The following GALNT13 variants were observed in gnomAD, a reference collection of about 807,000 sequenced individuals.
The protein encoded by GALNT13 is polypeptide N-acetylgalactosaminyltransferase 13, also known as UDP-GalNAc:polypeptide N-acetylgalactosaminyltransferase 13.
GALNT13 carries 28 observed loss-of-function variants against 64.2 expected under a neutral mutation model. That is an observed-to-expected ratio of 0.44 (90% CI 0.32 to 0.60). The LOEUF (loss-of-function observed/expected upper bound fraction) is 0.60, where lower values mean the gene tolerates loss of function less well. GALNT13 is among the 20% of genes least tolerant of loss of function. The pLI is 0.05. For missense variants in GALNT13, 577 were observed against 669.8 expected (o/e 0.86, Z 1.53); for synonymous variants, 214 against 224.6 (o/e 0.95, Z 0.42).
the GALNT13 span, among the ~76,000 whole-genome samples, chr2:153,471,078 T>G: frequency 6.6e-6 from 1 of 152,148 alleles, no homozygotes; most frequent in Non-Finnish European, 1.5e-5. Context: ...TTAAATTGTT[T>G]GAGTATTTCA....
At chr2:154,044,044 C>T (rs7560731) in intron 3 of GALNT13, among the ~76,000 whole-genome samples, 28,264 of 151,510 alleles carry the variant, frequency 0.19, 3,363 homozygotes, top group Non-Finnish European at 0.26. Flanking sequence ...TGCACTCCAG[C>T]CTGGGTGACA....
chr2:153,932,554 C>G (rs1436026658), intron 2 of GALNT13, among the ~76,000 whole-genome samples: 3 of 150,968 alleles, frequency 2.0e-5, no homozygotes, highest in African/African-American at 7.3e-5. Context: ...CATTCAGGAG[C>G]AGGTTAATTT....
At chr2:154,067,472 A>G (rs1476294416) in intron 3 of GALNT13, among the ~76,000 whole-genome samples, 2 of 152,118 alleles carry the variant, frequency 1.3e-5, no homozygotes, top group Non-Finnish European at 2.9e-5. Flanking sequence ...AAACTAAAAA[A>G]GAGCAGGAGT....
the GALNT13 span, among the ~76,000 whole-genome samples, chr2:153,453,767 T>A: frequency 6.6e-6 from 1 of 152,116 alleles, no homozygotes; most frequent in South Asian, 2.1e-4. Context: ...CATTACTAGG[T>A]GTATAGCCAA....
chr2:153,475,718 G>GT, the GALNT13 span, among the ~76,000 whole-genome samples: 6 of 152,140 alleles, frequency 3.9e-5, no homozygotes, highest in Admixed American at 6.5e-5. Context: ...TAGCTGATTT[G>GT]TTTTTTTATC....
intron 3 of GALNT13, among the ~76,000 whole-genome samples, chr2:153,971,448 A>G (rs979087177): frequency 6.6e-6 from 1 of 152,096 alleles, no homozygotes; most frequent in African/African-American, 2.4e-5. Flanking sequence ...TTGACACATC[A>G]GATATGTGAA....
At chr2:154,370,576 G>C (rs923072193) in intron 9 of GALNT13, among the ~76,000 whole-genome samples, 3 of 152,102 alleles carry the variant, frequency 2.0e-5, no homozygotes, top group Non-Finnish European at 4.4e-5. Context: ...TTTCTTATGA[G>C]CTGCTGTGTG....
At chr2:153,726,613 C>G in the GALNT13 span, among the ~76,000 whole-genome samples, 1 of 152,056 alleles carries the variant, frequency 6.6e-6, no homozygotes, top group Non-Finnish European at 1.5e-5. Flanking sequence ...GAATAAACCA[C>G]GTCATTTGGC....
At chr2:153,831,913 T>C in the GALNT13 span, among the ~76,000 whole-genome samples, 1 of 152,226 alleles carries the variant, frequency 6.6e-6, no homozygotes, top group Non-Finnish European at 1.5e-5. Context: ...TAGTTAATTA[T>C]GAGGTACTTT....
chr2:153,341,994 T>C, the GALNT13 span, among the ~76,000 whole-genome samples: 1 of 152,152 alleles, frequency 6.6e-6, no homozygotes. Flanking sequence ...GGTAATGAGA[T>C]CAAATCATTC....
chr2:153,141,939 AC>A, the GALNT13 span, among the ~76,000 whole-genome samples: 1 of 152,046 alleles, frequency 6.6e-6, no homozygotes, highest in African/African-American at 2.4e-5. Flanking sequence ...AAATTAATGA[AC>A]CAAAAATATC....
At chr2:153,527,557 T>C in the GALNT13 span, among the ~76,000 whole-genome samples, 1 of 152,156 alleles carries the variant, frequency 6.6e-6, no homozygotes, top group South Asian at 2.1e-4. Context: ...GAGAAGGATG[T>C]TAATGAGCAA....
chr2:153,613,415 C>A, the GALNT13 span, among the ~76,000 whole-genome samples: 2 of 152,018 alleles, frequency 1.3e-5, no homozygotes, highest in Non-Finnish European at 2.9e-5. Flanking sequence ...CTGGATATTA[C>A]ATTTGAATTT....
At chr2:154,376,305 GAC>G (rs1262568674) in intron 9 of GALNT13, among the ~76,000 whole-genome samples, 1 of 151,988 alleles carries the variant, frequency 6.6e-6, no homozygotes, top group Non-Finnish European at 1.5e-5. Context: ...TCTATTTAAT[GAC>G]ACATATTTTT....
chr2:153,081,443 C>T, the GALNT13 span, among the ~76,000 whole-genome samples: 3 of 152,044 alleles, frequency 2.0e-5, no homozygotes, highest in Non-Finnish European at 2.9e-5. Context: ...ATTGTGCTAT[C>T]GAATTTTAGG....
At chr2:154,223,631 A>G (rs1688439679) in intron 4 of GALNT13, among the ~76,000 whole-genome samples, 1 of 151,498 alleles carries the variant, frequency 6.6e-6, no homozygotes, top group African/African-American at 2.4e-5. Flanking sequence ...TTCTATTTTT[A>G]GTAGAGACAG....
intron 8 of GALNT13, among the ~76,000 whole-genome samples, chr2:154,298,407 T>C (rs1461556520): frequency 9.4e-6 from 1 of 106,708 alleles, no homozygotes; most frequent in Non-Finnish European, 2.1e-5. Flanking sequence ...AAATATATAA[T>C]TTATATATAA....
chr2:153,944,428 T>C lies in GALNT13; in HGVS notation c.-70T>C. On this transcript the variant is annotated 5_prime_UTR_variant, in exon 3 of 13. Transcript: ENST00000392825. ...TCCTGCTTTCATCTTGGAGTTCACC[T>C]GTGTGGCTTGGATTTATCACAGTAG... 7.0e-7 allele frequency: 1 copy of C among 1,423,390 alleles called. No individual in the cohort carries two copies. The allele number at this position is 1,423,390 out of a possible 1,614,324, so 88.2% of individuals were successfully genotyped here.
chr2:153,303,078 A>T, the GALNT13 span, among the ~76,000 whole-genome samples: 1 of 152,150 alleles, frequency 6.6e-6, no homozygotes, highest in African/African-American at 2.4e-5. Context: ...TCTGTGAAAA[A>T]TGTTATTGGA....
Sources: allele counts gnomAD v4.1 joint callset (sites outside exome capture counted in the v4.1 genomes callset), GRCh38; gene constraint gnomAD v4.1.1; transcripts MANE v1.5; gene names NCBI Gene and HGNC (gene_info 2026-07-23, HGNC 2026-07-21).